Variants in TANC1 observed in about 807,000 individuals in gnomAD.
The protein encoded by TANC1 is protein TANC1.
TANC1 carries 77 observed loss-of-function variants against 149.7 expected under a neutral mutation model. The ratio of observed to expected loss-of-function variants is 0.51; its 90% CI spans 0.43 to 0.62. The LOEUF (loss-of-function observed/expected upper bound fraction) is 0.62, where lower values mean the gene tolerates loss of function less well. Ranked by LOEUF, TANC1 falls within the 20% of genes least tolerant of loss-of-function variation. The pLI, the probability that TANC1 is intolerant of heterozygous loss-of-function variation, is 0.00. For missense variants in TANC1, 1,985 were observed against 2,321.8 expected, an observed-to-expected ratio of 0.85 and a Z score of 2.98; for synonymous variants, 854 against 925.0, an observed-to-expected ratio of 0.92 and a Z score of 1.39.
intron 7 of TANC1, among the ~76,000 whole-genome samples, chr2:159,151,957 C>T (rs1225763886): frequency 6.6e-6 from 1 of 152,128 alleles, no homozygotes; most frequent in African/African-American, 2.4e-5. Context: ...TTCATTATCC[C>T]CAAAAGAAAC....
chr2:159,224,541 T>G, intron 23 of TANC1, 177 bp downstream of exon 23: 6 of 713,212 alleles, frequency 8.4e-6, no homozygotes, highest in Non-Finnish European at 1.4e-5. Context: ...TAGCTCACGG[T>G]GTTTCTGCGG....
At chr2:159,156,191 A>G (rs2053414811) in intron 7 of TANC1, among the ~76,000 whole-genome samples, 1 of 152,198 alleles carries the variant, frequency 6.6e-6, no homozygotes, top group African/African-American at 2.4e-5. Flanking sequence ...TGATTTGGTA[A>G]TAACTATTTA....
At chr2:159,116,619 C>T (rs2048297337) in intron 4 of TANC1, among the ~76,000 whole-genome samples, 1 of 152,178 alleles carries the variant, frequency 6.6e-6, no homozygotes, top group Non-Finnish European at 1.5e-5. Flanking sequence ...CATCGTAGTA[C>T]AGAGCAGCCT....
intron 2 of TANC1, among the ~76,000 whole-genome samples, chr2:159,063,541 G>T (rs916248726): frequency 1.3e-5 from 2 of 152,158 alleles, no homozygotes; most frequent in African/African-American, 4.8e-5. Context: ...TTCCAGTCTG[G>T]GGGAGGGGAG....
At chr2:159,111,536 A>G (rs1429014050) in intron 4 of TANC1, among the ~76,000 whole-genome samples, 1 of 152,164 alleles carries the variant, frequency 6.6e-6, no homozygotes. Context: ...ATTGTTGTTT[A>G]TTTGGACGAG....
chr2:159,041,980 G>T (rs1461809420), intron 2 of TANC1, among the ~76,000 whole-genome samples: 1 of 152,178 alleles, frequency 6.6e-6, no homozygotes, highest in Non-Finnish European at 1.5e-5. Context: ...TGACATGGGG[G>T]TGACCACCTG....
chr2:159,027,565 TC>T (rs2039448091), intron 2 of TANC1, among the ~76,000 whole-genome samples: 1 of 152,220 alleles, frequency 6.6e-6, no homozygotes, highest in Non-Finnish European at 1.5e-5. Flanking sequence ...CTAGCTCTCG[TC>T]TTCTGAACCC....
Position 159,187,566 on chromosome 2 carries a change from CTT to C in TANC1, c.2742+546_2742+547del, listed in dbSNP as rs200156419. On this transcript the variant is annotated intron_variant, in intron 16 of 26. Transcript: ENST00000263635. ...TTTCATGTCATGATGTTCCACTCAG[CTT>C]TTTAAGGTAGATTTTTCTTCCTGAT... Among the ~76,000 whole-genome samples, 916 of 152,302 alleles carry C rather than the reference CTT, an allele frequency of 6.0e-3. 11 individuals carry two copies. The highest frequency in any genetic ancestry group is 0.021 in the African/African-American group (859 of 41,556).
chr2:159,127,612 T>C (rs1282865628), intron 4 of TANC1, among the ~76,000 whole-genome samples: 1 of 152,214 alleles, frequency 6.6e-6, no homozygotes. Flanking sequence ...CATAGAATAC[T>C]ATGCAGCCAC....
At chr2:158,979,043 A>G (rs2034005369) in intron 1 of TANC1, among the ~76,000 whole-genome samples, 1 of 152,194 alleles carries the variant, frequency 6.6e-6, no homozygotes, top group South Asian at 2.1e-4. Flanking sequence ...GGGTTCTTAA[A>G]TGGAATATGA....
chr2:158,980,128 A>G (rs1272880804), intron 1 of TANC1, among the ~76,000 whole-genome samples: 1 of 152,198 alleles, frequency 6.6e-6, no homozygotes, highest in African/African-American at 2.4e-5. Context: ...CCTGTGGTCA[A>G]ATAAGTGGGA....
At chr2:158,991,533 C>A (rs950200797) in intron 1 of TANC1, among the ~76,000 whole-genome samples, 1 of 151,976 alleles carries the variant, frequency 6.6e-6, no homozygotes, top group African/African-American at 2.4e-5. Flanking sequence ...GTGGGTGGAT[C>A]ACGAGGTCAG....
chr2:159,111,649 G>A (rs1055226676), intron 4 of TANC1, among the ~76,000 whole-genome samples: 2 of 152,116 alleles, frequency 1.3e-5, no homozygotes, highest in South Asian at 2.1e-4. Flanking sequence ...GGGCTGAGAC[G>A]GGCTGAGGGA....
intron 7 of TANC1, among the ~76,000 whole-genome samples, chr2:159,158,599 C>T (rs2053677867): frequency 6.6e-6 from 1 of 152,150 alleles, no homozygotes; most frequent in Non-Finnish European, 1.5e-5. Flanking sequence ...TCAAAACAGA[C>T]ATGTAATAAA....
intron 19 of TANC1, among the ~76,000 whole-genome samples, chr2:159,204,072 A>G (rs764131942): frequency 2.0e-5 from 3 of 152,248 alleles, no homozygotes; most frequent in East Asian, 1.9e-4. Context: ...CTGAGGAACA[A>G]TAGTTTAAAA....
chr2:159,054,464 C>G (rs1195371134), intron 2 of TANC1, among the ~76,000 whole-genome samples: 1 of 152,064 alleles, frequency 6.6e-6, no homozygotes, highest in African/African-American at 2.4e-5. Flanking sequence ...AAATTAGGGC[C>G]TGGGGAGGTT....
chr2:159,195,692 T>G (rs1189125492), intron 17 of TANC1, among the ~76,000 whole-genome samples: 1 of 152,220 alleles, frequency 6.6e-6, no homozygotes, highest in Non-Finnish European at 1.5e-5. Flanking sequence ...GCTAAGCCTT[T>G]GGGGTGGGTA....
At chr2:159,000,215 AG>A (rs1477956452) in intron 1 of TANC1, among the ~76,000 whole-genome samples, 1 of 152,024 alleles carries the variant, frequency 6.6e-6, no homozygotes, top group Non-Finnish European at 1.5e-5. Flanking sequence ...GGGGTGTGGA[AG>A]GGAGCTGTGA....
chr2:159,006,295 CAAA>C (rs71406138), intron 2 of TANC1, among the ~76,000 whole-genome samples: 2 of 75,126 alleles, frequency 2.7e-5, no homozygotes, highest in African/African-American at 5.1e-5. Flanking sequence ...GACTTAGTCT[CAAA>C]AAAAAAAAAA....
Sources: allele counts gnomAD v4.1 joint callset (sites outside exome capture counted in the v4.1 genomes callset), GRCh38; gene constraint gnomAD v4.1.1; transcripts MANE v1.5; gene names NCBI Gene and HGNC (gene_info 2026-07-23, HGNC 2026-07-21).